The following TRMT13 variants were observed in gnomAD, a reference collection of about 807,000 sequenced individuals.
TRMT13 encodes tRNA:m(4)X modification enzyme TRM13 homolog.
Under a neutral mutation model 55.9 loss-of-function variants are expected in TRMT13, and 45 were observed. The ratio of observed to expected loss-of-function variants is 0.80; its 90% CI spans 0.63 to 1.03. The LOEUF is 1.03. TRMT13 is among the 50% of genes least tolerant of loss of function. TRMT13 has a pLI of 0.00. For synonymous variants in TRMT13, 183 were observed against 196.3 expected (o/e 0.93, Z 0.57); for missense variants, 513 against 563.9 (o/e 0.91, Z 0.91).
At chr1:100,135,681 A>G (rs983366932) in intron 1 of TRMT13, among the ~76,000 whole-genome samples, 3 of 152,188 alleles carry the variant, frequency 2.0e-5, no homozygotes, top group African/African-American at 7.2e-5. Flanking sequence ...AGAGCTGGGT[A>G]TCATACCTAG....
chr1:100,144,658 G>A (rs2101739049), intron 9 of TRMT13: 1 of 152,400 alleles, frequency 6.6e-6, no homozygotes, highest in South Asian at 2.1e-4. Context: ...TTTAGAATCA[G>A]ATAGTCTAGC....
rs201264082 is a variant in TRMT13 at position 100,148,245 on chromosome 1, A to G, written c.1169A>G (p.Gln390Arg). The G allele has an allele frequency of 6.2e-7, 1 of 1,614,216 alleles. No individual in the cohort carries two copies. The highest frequency in any genetic ancestry group is 8.5e-7 in the Non-Finnish European group (1 of 1,180,028). ...LETSNSTTKR[Q>R]DNQNDDSEEH... ...ACCTCAAATAGTACCACAAAGAGGC[A>G]AGATAATCAGAATGATGATAGTGAA... Residue 390 changes from glutamine (Q) to arginine (R), a missense_variant, in exon 10 of 11, where the codon CAA becomes CGA. Coordinates refer to ENST00000370141, the MANE Select transcript of TRMT13 (RefSeq NM_019083.3).
intron 6 of TRMT13, 36 bp from the exon 7 acceptor site, chr1:100,140,816 A>G (rs769980378): frequency 6.3e-7 from 1 of 1,577,794 alleles, no homozygotes; most frequent in Admixed American, 1.7e-5. Context: ...AAATGTGTTT[A>G]CTCTAGTTTA....
chr1:100,140,334 T>C, intron 5 of TRMT13, 74 bp from the exon 6 acceptor site: 1 of 1,553,644 alleles, frequency 6.4e-7, no homozygotes, highest in Non-Finnish European at 8.9e-7. Context: ...GTTTAAAATA[T>C]GTTACTACTA....
intron 7 of TRMT13, among the ~76,000 whole-genome samples, chr1:100,141,836 G>A (rs956181608): frequency 3.9e-5 from 6 of 152,200 alleles, no homozygotes; most frequent in African/African-American, 1.4e-4. Context: ...ATTGGTGTTT[G>A]TTAGAGAGTT....
At chr1:100,139,779 G>C in intron 4 of TRMT13, 68 bp downstream of exon 4, 1 of 996,116 alleles carries the variant, frequency 1.0e-6, no homozygotes, top group Non-Finnish European at 1.5e-6. Flanking sequence ...TGTGAATAAG[G>C]CATGTTCTAA....
chr1:100,148,615 T>C lies in TRMT13; in HGVS notation c.1251-10T>C. 1 of 1,592,138 alleles carries C rather than the reference T, an allele frequency of 6.3e-7. No individual in the cohort carries two copies. Among genetic ancestry groups the C allele is most frequent in the Non-Finnish European group, 8.5e-7 (1 of 1,174,384 alleles). ...TTTAACAATGTTTTGTGTGTGTTTA[T>C]TCAATTTAGGCTTCTTAGTGTTGAA... On this transcript the variant is annotated splice_polypyrimidine_tract_variant and intron_variant, in intron 10 of 10. Transcript: ENST00000370141.
chr1:100,136,894 C>G lies in TRMT13; in HGVS notation c.160C>G (p.Arg54Gly), dbSNP rs1308644018. 1 of 1,597,668 alleles carries G rather than the reference C, an allele frequency of 6.3e-7. No individual in the cohort carries two copies. The highest frequency in any genetic ancestry group is 2.2e-5 in the East Asian group (1 of 44,588). ...CTTAATTTATTAGGAAGAAGATGCT[C>G]GGAAAAGAATCCTGTGTCCTTTAGA... ...HAGAAEEEDA[R>G]KRILCPLDPK... Residue 54 changes from arginine (R) to glycine (G), a missense_variant, in exon 2 of 11, where the codon CGG becomes GGG. By Grantham distance (125) the Arg-to-Gly change is moderately radical. Coordinates refer to ENST00000370141, the MANE Select transcript of TRMT13 (RefSeq NM_019083.3).
Position 100,138,871 on chromosome 1 carries a change from C to T in TRMT13, c.262-778C>T, listed in dbSNP as rs1656249373. ...CAGATGTAGAACATTTCCATCATTG[C>T]AGAAAGTTCTGTTGGACAATGGTAA... On this transcript the variant is annotated intron_variant, in intron 3 of 10. Transcript: ENST00000370141. 3.9e-5 allele frequency among the ~76,000 whole-genome samples: 6 copies of T among 152,314 alleles called. No homozygotes were observed. In the South Asian group the frequency reaches 1.0e-3, roughly 26 times the overall value.
chr1:100,142,814 G>T, intron 7 of TRMT13: 1 of 268,636 alleles, frequency 3.7e-6, no homozygotes, highest in South Asian at 5.3e-5. Flanking sequence ...ACCAAAAATA[G>T]TACACCAGGA....
intron 9 of TRMT13, among the ~76,000 whole-genome samples, chr1:100,145,167 T>C (rs1657079875): frequency 6.6e-6 from 1 of 152,236 alleles, no homozygotes; most frequent in Non-Finnish European, 1.5e-5. Flanking sequence ...ACACCCTAGG[T>C]GTGTAGTAGG....
At chr1:100,133,384 G>A in intron 1 of TRMT13, 69 bp downstream of exon 1, 3 of 1,521,712 alleles carry the variant, frequency 2.0e-6, no homozygotes, top group Non-Finnish European at 2.7e-6. Context: ...CTGGAACCCG[G>A]CCCCTCCCCT....
rs1000805184 is a variant in TRMT13, at chr1:100,140,307, G to A, written c.394+56G>A. Reference sequence around the variant, plus strand: ...ATTTTAGAGTAATTAGGTGGTATATGAGTTGATACCATTCTGGTTTAAAAT... The same window carrying A: ...ATTTTAGAGTAATTAGGTGGTATATAAGTTGATACCATTCTGGTTTAAAAT... On this transcript the variant is annotated intron_variant, in intron 5 of 10. Transcript: ENST00000370141. The A allele has an allele frequency of 5.2e-6, 8 of 1,537,834 alleles. No individual in the cohort carries two copies. In the Admixed American group the frequency reaches 8.5e-5, roughly 16 times the overall value.
intron 9 of TRMT13, chr1:100,144,357 G>A (rs1656976114): frequency 2.2e-6 from 1 of 454,574 alleles, no homozygotes; most frequent in Non-Finnish European, 3.9e-6. Context: ...AGTTTTGTAT[G>A]TAAATACTGC....
Position 100,148,345 on chromosome 1 carries a change from A to C in TRMT13, c.1250+19A>C. On this transcript the variant is annotated intron_variant, in intron 10 of 10. Transcript: ENST00000370141. ...TGCCTGGGTAAGAGACTACTTTTGT[A>C]ATGCATGATACTAAAGGAGAAATAT... 1.2e-6 allele frequency: 2 copies of C among 1,602,018 alleles called. No individual in the cohort carries two copies. Among genetic ancestry groups the C allele is most frequent in the Non-Finnish European group, 1.7e-6 (2 of 1,172,650 alleles).
intron 8 of TRMT13, 123 bp from the exon 9 acceptor site, chr1:100,143,946 A>T (rs937055716): frequency 1.5e-5 from 11 of 739,046 alleles, no homozygotes; most frequent in Non-Finnish European, 2.5e-5. Flanking sequence ...CCATAAAGTG[A>T]TAATTTTTGT....
chr1:100,141,126 T>C (rs1656571211), intron 7 of TRMT13, 107 bp downstream of exon 7: 3 of 1,080,672 alleles, frequency 2.8e-6, no homozygotes, highest in Non-Finnish European at 3.9e-6. Context: ...AGGAATTTTC[T>C]TTATCTGTTT....
intron 10 of TRMT13, 133 bp downstream of exon 10, chr1:100,148,459 C>A: frequency 9.0e-7 from 1 of 1,108,880 alleles, no homozygotes; most frequent in Non-Finnish European, 1.3e-6. Flanking sequence ...AAAATATACA[C>A]ATCTTTTATT....
In TRMT13 at chr1:100,149,074, T is replaced by C. The variant is rs760123779; in HGVS notation, c.*254T>C. The C allele has an allele frequency of 3.6e-5, 57 of 1,602,836 alleles. 1 individual carries two copies. In the Admixed American group the frequency reaches 9.9e-4, roughly 28 times the overall value. ...TCCGTATTTATGGAGATTGGTAAAG[T>C]AGTTGAACCGTTGACTTGGTGATCT... On this transcript the variant is annotated 3_prime_UTR_variant, in exon 11 of 11. Transcript: ENST00000370141.
Sources: allele counts gnomAD v4.1 joint callset (sites outside exome capture counted in the v4.1 genomes callset), GRCh38; gene constraint gnomAD v4.1.1; transcripts MANE v1.5; gene names NCBI Gene and HGNC (gene_info 2026-07-23, HGNC 2026-07-21).